The following CDH11 variants were observed in gnomAD, a reference collection of about 807,000 sequenced individuals.
CDH11 encodes cadherin-11.
In CDH11, 11 loss-of-function variants were observed where a neutral mutation model predicts 67.8. That is an observed-to-expected ratio of 0.16 (90% CI 0.10 to 0.27). The LOEUF is 0.27. Ranked by LOEUF, CDH11 falls within the 10% of genes least tolerant of loss-of-function variation. CDH11 has a pLI of 1.00. For synonymous variants in CDH11, 419 were observed against 400.0 expected (o/e 1.05, Z -0.57); for missense variants, 847 against 1,031.2 (o/e 0.82, Z 2.45).
intron 1 of CDH11, among the ~76,000 whole-genome samples, chr16:65,068,674 A>G (rs1402267645): frequency 6.6e-6 from 1 of 152,200 alleles, no homozygotes; most frequent in Non-Finnish European, 1.5e-5. Context: ...GAAAGTTAGC[A>G]GATGGATTTA....
At chr16:65,110,317 A>G (rs1288461997) in intron 1 of CDH11, among the ~76,000 whole-genome samples, 1 of 152,178 alleles carries the variant, frequency 6.6e-6, no homozygotes, top group African/African-American at 2.4e-5. Flanking sequence ...CAGTCCCACA[A>G]GGATATGTAG....
Position 64,982,531 on chromosome 16 carries a change from C to T in CDH11, c.1000-230G>A, listed in dbSNP as rs1427348620. ...AAGAGCACAACAGACACAGAAAGAC[C>T]ACGTCATCTAAAATGAAACTTATTC... On this transcript the variant is annotated intron_variant, in intron 7 of 12. Coordinates refer to ENST00000268603, the MANE Select transcript of CDH11 (RefSeq NM_001797.4). 6.0e-6 allele frequency: 3 copies of T among 497,114 alleles called. No individual in the cohort carries two copies. In the East Asian group the frequency reaches 9.7e-5, roughly 16 times the overall value. 30.8% of individuals were successfully genotyped at this position (497,114 alleles called of 1,614,324 possible). A position where few individuals can be genotyped will look rare whatever the true frequency, so the allele number is the denominator to read the frequency against.
chr16:64,956,521 C>A (rs1027234880), intron 11 of CDH11, among the ~76,000 whole-genome samples: 1 of 152,166 alleles, frequency 6.6e-6, no homozygotes, highest in African/African-American at 2.4e-5. Flanking sequence ...TTTCCCATGA[C>A]AAGAAAATGT....
intron 4 of CDH11, among the ~76,000 whole-genome samples, chr16:64,997,359 C>A (rs1164426994): frequency 3.4e-5 from 5 of 146,490 alleles, no homozygotes; most frequent in Admixed American, 2.7e-4. Context: ...ACATGTACCC[C>A]CTGAATCTAA....
intron 1 of CDH11, among the ~76,000 whole-genome samples, chr16:65,064,426 G>T (rs2074281504): frequency 6.6e-6 from 1 of 152,172 alleles, no homozygotes; most frequent in Non-Finnish European, 1.5e-5. Context: ...GTAAATATAA[G>T]TCAATACCAT....
rs1299906696 is a variant in CDH11, at chr16:64,946,873, T to G, written c.*730A>C. On this transcript the variant is annotated 3_prime_UTR_variant, in exon 13 of 13. Transcript: ENST00000268603. The stretch of plus-strand genomic sequence containing the variant: ...CAATGTTCATAAAATATAAGTGTGA[T>G]GCCGTAACATTTTCTTACATGTCAG... 1.2e-6 allele frequency: 1 copy of G among 828,362 alleles called. No individual in the cohort carries two copies. The highest frequency in any genetic ancestry group is 1.5e-6 in the Non-Finnish European group (1 of 675,832). 51.3% of individuals were successfully genotyped at this position (828,362 alleles called of 1,614,324 possible).
chr16:65,097,125 G>C (rs78988712), intron 1 of CDH11, among the ~76,000 whole-genome samples: 9,848 of 152,146 alleles, frequency 0.065, 532 homozygotes, highest in African/African-American at 0.15. Context: ...TACATACACA[G>C]AGACAAACAC....
rs540562149 is a variant in CDH11 at position 64,977,340 on chromosome 16, G to T, written c.1254-4300C>A. 1.1e-4 allele frequency among the ~76,000 whole-genome samples: 16 copies of T among 152,322 alleles called. No homozygotes were observed. The East Asian group carries it at 3.1e-3, about 29-fold the overall frequency. The stretch of plus-strand genomic sequence containing the variant: ...TTGGATAATTATAGACATGGAAATT[G>T]CCTACATGCACAGAACAGCTACCAT... On this transcript the variant is annotated intron_variant, in intron 8 of 12. Transcript: ENST00000268603.
chr16:64,996,684 T>C (rs1467870598), intron 4 of CDH11, among the ~76,000 whole-genome samples: 1 of 152,134 alleles, frequency 6.6e-6, no homozygotes, highest in Non-Finnish European at 1.5e-5. Context: ...ATATGTGGTG[T>C]ATATGTACCA....
intron 8 of CDH11, among the ~76,000 whole-genome samples, chr16:64,975,516 A>G (rs1408741398): frequency 1.3e-5 from 2 of 152,208 alleles, no homozygotes; most frequent in Non-Finnish European, 2.9e-5. Context: ...GGAATCCTAG[A>G]TGATGATGAA....
At chr16:65,097,233 A>G (rs1430370123) in intron 1 of CDH11, among the ~76,000 whole-genome samples, 1 of 152,238 alleles carries the variant, frequency 6.6e-6, no homozygotes, top group Non-Finnish European at 1.5e-5. Flanking sequence ...TGTTGTAAAG[A>G]ACAAGGTTGG....
At position 64,947,224 on chromosome 16, in the gene CDH11, C is replaced by T. The variant is rs1047630111; in HGVS notation, c.*379G>A. On this transcript the variant is annotated 3_prime_UTR_variant, in exon 13 of 13. Coordinates refer to ENST00000268603, the MANE Select transcript of CDH11 (RefSeq NM_001797.4). Reference sequence around the variant, plus strand: ...CGAAATTACAGCTCAGAACTGTTGTCCTTTCTAATTTTGTGGAAGCTTCTT... The same window carrying T: ...CGAAATTACAGCTCAGAACTGTTGTTCTTTCTAATTTTGTGGAAGCTTCTT... 1.8e-6 allele frequency: 2 copies of T among 1,100,252 alleles called. No homozygotes were observed. Among genetic ancestry groups the T allele is most frequent in the African/African-American group, 1.6e-5 (1 of 61,166 alleles). The allele number at this position is 1,100,252 out of a possible 1,614,324, so 68.2% of individuals were successfully genotyped here. A position where few individuals can be genotyped will look rare whatever the true frequency, so the allele number is the denominator to read the frequency against.
At chr16:65,097,225 T>C (rs2074914354) in intron 1 of CDH11, among the ~76,000 whole-genome samples, 1 of 152,192 alleles carries the variant, frequency 6.6e-6, no homozygotes, top group African/African-American at 2.4e-5. Context: ...AATATACGTG[T>C]TGTAAAGAAC....
chr16:64,943,985 GA>G lies in CDH11; in HGVS notation c.*3617del. Reference sequence around the variant, plus strand: ...TAACAAGGGTGACCTGCTTTCCATGGAAAAGGAACGTGTTTTTTTTTGTATC... The same window carrying G: ...TAACAAGGGTGACCTGCTTTCCATGGAAAGGAACGTGTTTTTTTTTGTATC... On this transcript the variant is annotated 3_prime_UTR_variant, in exon 13 of 13. Transcript: ENST00000268603. 4.3e-6 allele frequency: 1 copy of G among 231,902 alleles called. No homozygotes were observed. The highest frequency in any genetic ancestry group is 8.5e-6 in the Non-Finnish European group (1 of 117,260). The allele number at this position is 231,902 out of a possible 1,614,324, so 14.4% of individuals were successfully genotyped here.
chr16:65,047,665 T>C (rs1194154232), intron 2 of CDH11, among the ~76,000 whole-genome samples: 1 of 152,176 alleles, frequency 6.6e-6, no homozygotes, highest in African/African-American at 2.4e-5. Context: ...TTTTAAATTT[T>C]AACCGTCTTT....
chr16:65,082,534 C>T (rs2074628643), intron 1 of CDH11, among the ~76,000 whole-genome samples: 1 of 152,132 alleles, frequency 6.6e-6, no homozygotes, highest in African/African-American at 2.4e-5. Context: ...GTAGCCTCAA[C>T]CCACGTGTAA....
At chr16:65,093,737 CA>C (rs2074834655) in intron 1 of CDH11, among the ~76,000 whole-genome samples, 1 of 152,028 alleles carries the variant, frequency 6.6e-6, no homozygotes, top group Admixed American at 6.6e-5. Flanking sequence ...TCCCTACCGT[CA>C]AAATGCTAAT....
intron 2 of CDH11, among the ~76,000 whole-genome samples, chr16:65,045,314 T>C (rs2142686341): frequency 7.9e-6 from 1 of 126,070 alleles, no homozygotes; most frequent in Non-Finnish European, 1.7e-5. Context: ...TTTTAAAAAT[T>C]TGTTTCCCTC....
chr16:64,996,098 T>G (rs1265547196), intron 4 of CDH11, among the ~76,000 whole-genome samples: 2 of 151,976 alleles, frequency 1.3e-5, no homozygotes, highest in East Asian at 3.9e-4. Context: ...AACATGCTGG[T>G]GAGGATGTGG....
Sources: allele counts gnomAD v4.1 joint callset (sites outside exome capture counted in the v4.1 genomes callset), GRCh38; gene constraint gnomAD v4.1.1; transcripts MANE v1.5; gene names NCBI Gene and HGNC (gene_info 2026-07-23, HGNC 2026-07-21).